SLC30A8: variants seen among roughly 807,000 people sequenced by gnomAD.
SLC30A8 encodes the protein solute carrier family 30 member 8.
In SLC30A8, 27 loss-of-function variants were observed where a neutral mutation model predicts 36.9. The ratio of observed to expected loss-of-function variants is 0.73; its 90% CI spans 0.54 to 1.01. The LOEUF (loss-of-function observed/expected upper bound fraction) is 1.01, where lower values mean the gene tolerates loss of function less well. Among genes scored for constraint, SLC30A8 ranks in the 50% least tolerant of loss-of-function variants. SLC30A8 has a pLI of 0.00. For synonymous variants in SLC30A8, 164 were observed against 172.4 expected (o/e 0.95, Z 0.38); for missense variants, 439 against 452.0 (o/e 0.97, Z 0.26).
intron 2 of SLC30A8, among the ~76,000 whole-genome samples, chr8:117,089,827 C>A (rs1819032192): frequency 6.6e-6 from 1 of 152,176 alleles, no homozygotes; most frequent in Non-Finnish European, 1.5e-5. Flanking sequence ...TTGCTCACTT[C>A]CTCATGCACA....
At chr8:116,962,236 G>C (rs901399366) in intron 1 of SLC30A8, among the ~76,000 whole-genome samples, 1 of 151,910 alleles carries the variant, frequency 6.6e-6, no homozygotes, top group East Asian at 1.9e-4. Flanking sequence ...GATGGCTGCC[G>C]GCAGTGATGA....
chr8:117,163,401 C>A (rs1822892034), intron 5 of SLC30A8, 24 bp from the exon 6 acceptor site: 1 of 1,584,858 alleles, frequency 6.3e-7, no homozygotes, highest in Non-Finnish European at 8.6e-7. Flanking sequence ...TTCAGTTAAC[C>A]AAAATCCCTG....
Position 117,158,824 on chromosome 8 carries a change from C to T in SLC30A8, c.572+980C>T, listed in dbSNP as rs553931440. Among the ~76,000 whole-genome samples the T allele has an allele frequency of 5.1e-4, 77 of 152,264 alleles. No individual in the cohort carries two copies. The South Asian group carries it at 0.013, about 26-fold the overall frequency. ...TCTAGCTAGCTATCGTGTTGGTGGACAGAATAATGACCCATTCTCCTAAAA... is the reference window on the plus strand; with the variant it reads ...TCTAGCTAGCTATCGTGTTGGTGGATAGAATAATGACCCATTCTCCTAAAA... On this transcript the variant is annotated intron_variant, in intron 4 of 7. Coordinates refer to ENST00000456015, the MANE Select transcript of SLC30A8 (RefSeq NM_173851.3).
intron 2 of SLC30A8, among the ~76,000 whole-genome samples, chr8:117,040,856 T>C (rs551162906): frequency 1.3e-5 from 2 of 152,248 alleles, no homozygotes; most frequent in African/African-American, 4.8e-5. Flanking sequence ...TTAACCCCTA[T>C]ACATAGATCT....
intron 1 of SLC30A8, among the ~76,000 whole-genome samples, chr8:117,036,825 T>C (rs1477404479): frequency 6.6e-6 from 1 of 152,172 alleles, no homozygotes; most frequent in Non-Finnish European, 1.5e-5. Flanking sequence ...TGAGACTCGA[T>C]GTGGCCCAGT....
At chr8:117,131,933 A>C (rs1821154877), upstream of SLC30A8, among the ~76,000 whole-genome samples, 2 of 152,042 alleles carry the variant, frequency 1.3e-5, no homozygotes, top group Admixed American at 6.6e-5. Context: ...TATCTAAGAA[A>C]GTGGTCAAAC....
intron 6 of SLC30A8, among the ~76,000 whole-genome samples, chr8:117,167,510 T>TATATATATATAC (rs1485276508): frequency 6.6e-6 from 1 of 151,792 alleles, no homozygotes; most frequent in Non-Finnish European, 1.5e-5. Flanking sequence ...TACATGTATA[T>TATATATATATAC]GTATATGTGT....
At chr8:117,123,861 A>T (rs752284803) in intron 2 of SLC30A8, among the ~76,000 whole-genome samples, 13 of 151,994 alleles carry the variant, frequency 8.6e-5, no homozygotes, top group Non-Finnish European at 4.4e-5. Context: ...AGATTTTGGA[A>T]ACTATTGATG....
intron 1 of SLC30A8, among the ~76,000 whole-genome samples, chr8:116,985,111 T>C (rs1815397497): frequency 6.6e-6 from 1 of 152,080 alleles, no homozygotes; most frequent in African/African-American, 2.4e-5. Flanking sequence ...ACAAGACTTT[T>C]TTACTAACTA....
At chr8:117,116,429 C>T (rs1392634961) in intron 2 of SLC30A8, among the ~76,000 whole-genome samples, 2 of 151,954 alleles carry the variant, frequency 1.3e-5, no homozygotes, top group East Asian at 3.9e-4. Context: ...CTAGGAATGG[C>T]ATATTGTGTG....
At chr8:116,976,192 G>A (rs2130628760) in intron 1 of SLC30A8, among the ~76,000 whole-genome samples, 1 of 151,494 alleles carries the variant, frequency 6.6e-6, no homozygotes, top group South Asian at 2.1e-4. Flanking sequence ...GGTGACGCAC[G>A]CCTGTAGTCC....
At chr8:117,146,693 G>C (rs1415209202) in intron 1 of SLC30A8, 1 of 526,756 alleles carries the variant, frequency 1.9e-6, no homozygotes, top group African/African-American at 1.9e-5. Flanking sequence ...CTATTCCTTT[G>C]ATATCTCTTA....
rs907658753 is a variant in SLC30A8 at position 117,176,130 on chromosome 8, T to C, written c.*3449T>C. 4 of 152,100 alleles carry C rather than the reference T, an allele frequency of 2.6e-5. No homozygotes were observed. The highest frequency in any genetic ancestry group is 9.7e-5 in the African/African-American group (4 of 41,426). 9.4% of individuals were successfully genotyped at this position (152,100 alleles called of 1,614,324 possible). A position where few individuals can be genotyped will look rare whatever the true frequency, so the allele number is the denominator to read the frequency against. ...TGACCGGGTGCATTTCTTTCTCTGGTTTCTAAATTGCCAGTGGCAAATTTG... is the reference window on the plus strand; with the variant it reads ...TGACCGGGTGCATTTCTTTCTCTGGCTTCTAAATTGCCAGTGGCAAATTTG... On this transcript the variant is annotated 3_prime_UTR_variant, in exon 8 of 8. Coordinates refer to ENST00000456015, the MANE Select transcript of SLC30A8 (RefSeq NM_173851.3).
intron 2 of SLC30A8, among the ~76,000 whole-genome samples, chr8:117,124,398 T>C (rs1417934947): frequency 6.6e-6 from 1 of 151,896 alleles, no homozygotes; most frequent in Non-Finnish European, 1.5e-5. Context: ...TGCAGGTCAG[T>C]AGAGAGGCTC....
chr8:117,009,481 C>G (rs1816277530), intron 1 of SLC30A8, among the ~76,000 whole-genome samples: 1 of 152,140 alleles, frequency 6.6e-6, no homozygotes, highest in Middle Eastern at 3.2e-3. Flanking sequence ...TGTTGCAATT[C>G]AGTTTAAGAT....
At chr8:117,079,057 G>A (rs1477169127) in intron 2 of SLC30A8, among the ~76,000 whole-genome samples, 1 of 151,948 alleles carries the variant, frequency 6.6e-6, no homozygotes, top group Non-Finnish European at 1.5e-5. Flanking sequence ...TGTCGTCCAG[G>A]CTGGAGTGCA....
rs1814066392 is a variant in SLC30A8, at chr8:116,953,352, ATTCT to A, written c.-266+2238_-266+2241del. The stretch of plus-strand genomic sequence containing the variant: ...TATGCTTTCTCTTCCTAATCCCTTT[ATTCT>A]TTCTAATACGACTATTTTGTATTTT... On this transcript the variant is annotated intron_variant, in intron 1 of 10. Coordinates refer to the SLC30A8 transcript ENST00000427715. Among the ~76,000 whole-genome samples, 3 of 152,008 alleles carry A rather than the reference ATTCT, an allele frequency of 2.0e-5. No individual in the cohort carries two copies. In the South Asian group the frequency reaches 6.2e-4, roughly 32 times the overall value.
At chr8:117,001,852 G>A (rs1816020512) in intron 1 of SLC30A8, among the ~76,000 whole-genome samples, 1 of 152,100 alleles carries the variant, frequency 6.6e-6, no homozygotes, top group African/African-American at 2.4e-5. Context: ...TCTGCTAGGT[G>A]CTATGCTTAT....
chr8:117,034,680 A>G (rs1248053263), intron 1 of SLC30A8, among the ~76,000 whole-genome samples: 1 of 152,208 alleles, frequency 6.6e-6, no homozygotes, highest in Non-Finnish European at 1.5e-5. Flanking sequence ...TTGTTTTACC[A>G]GAGAGTAACT....
Sources: gnomAD v4.1 joint callset for allele counts (sites outside exome capture counted in the v4.1 genomes callset) on GRCh38, gnomAD v4.1.1 for gene constraint, MANE v1.5 for transcripts, NCBI Gene and HGNC (gene_info 2026-07-23, HGNC 2026-07-21) for gene names.